Variants in ANO2 observed in about 807,000 individuals in gnomAD.
ANO2 encodes the protein anoctamin-2.
In ANO2, 101 loss-of-function variants were observed where a neutral mutation model predicts 124.2. The observed-to-expected ratio is 0.81, with a 90% CI of 0.69 to 0.96. The LOEUF (loss-of-function observed/expected upper bound fraction) is 0.96, where lower values mean the gene tolerates loss of function less well. ANO2 is among the 40% of genes least tolerant of loss of function. The pLI is 0.00. For missense variants in ANO2, 1,293 were observed against 1,274.5 expected, an observed-to-expected ratio of 1.01 and a Z score of -0.22; for synonymous variants, 486 against 482.5, an observed-to-expected ratio of 1.01 and a Z score of -0.09.
intron 10 of ANO2, among the ~76,000 whole-genome samples, chr12:5,772,004 C>T (rs1029675089): frequency 6.6e-6 from 1 of 152,130 alleles, no homozygotes; most frequent in Admixed American, 6.5e-5. Flanking sequence ...CCCAGCTAGC[C>T]CTGCAATCAT....
At chr12:5,672,551 G>A (rs1208934385) in intron 14 of ANO2, among the ~76,000 whole-genome samples, 1 of 152,146 alleles carries the variant, frequency 6.6e-6, no homozygotes, top group East Asian at 1.9e-4. Flanking sequence ...ACCCATGGAG[G>A]TCAGCTACCT....
intron 16 of ANO2, among the ~76,000 whole-genome samples, chr12:5,619,302 G>A (rs1379217390): frequency 2.6e-5 from 4 of 152,156 alleles, no homozygotes; most frequent in Non-Finnish European, 5.9e-5. Flanking sequence ...ACCGTATTTG[G>A]TAAAAATGTT....
chr12:5,586,829 G>C (rs1013089837), intron 20 of ANO2, among the ~76,000 whole-genome samples: 4 of 152,176 alleles, frequency 2.6e-5, no homozygotes, highest in African/African-American at 9.7e-5. Flanking sequence ...TATCATAGCA[G>C]TAGTTGTCTA....
chr12:5,632,973 C>A (rs953155617), intron 16 of ANO2, among the ~76,000 whole-genome samples: 1 of 152,128 alleles, frequency 6.6e-6, no homozygotes, highest in Admixed American at 6.5e-5. Context: ...AGACAGCTCC[C>A]GTCATGCCAC....
At chr12:5,888,846 A>G (rs1939169715) in intron 3 of ANO2, among the ~76,000 whole-genome samples, 2 of 152,234 alleles carry the variant, frequency 1.3e-5, no homozygotes, top group African/African-American at 4.8e-5. Context: ...AGTGGATCCC[A>G]CACTGGGGCC....
chr12:5,782,777 C>T (rs1291781043), intron 10 of ANO2, among the ~76,000 whole-genome samples: 1 of 152,198 alleles, frequency 6.6e-6, no homozygotes, highest in African/African-American at 2.4e-5. Flanking sequence ...ACTGGATTGG[C>T]TATAAGGCAA....
intron 4 of ANO2, among the ~76,000 whole-genome samples, chr12:5,852,813 T>C (rs1379757804): frequency 6.7e-6 from 1 of 150,098 alleles, no homozygotes; most frequent in East Asian, 2.0e-4. Flanking sequence ...ATCTTTGCCA[T>C]GGTAGCATGT....
intron 11 of ANO2, among the ~76,000 whole-genome samples, chr12:5,748,247 C>T (rs10849331): frequency 6.6e-6 from 1 of 152,202 alleles, no homozygotes; most frequent in South Asian, 2.1e-4. Flanking sequence ...GGCACAAGTT[C>T]TAAATCCTGA....
At chr12:5,684,976 A>C (rs1194671185) in intron 14 of ANO2, among the ~76,000 whole-genome samples, 2 of 152,180 alleles carry the variant, frequency 1.3e-5, no homozygotes, top group Non-Finnish European at 2.9e-5. Context: ...GTATGTCATT[A>C]ACCTACTGTA....
intron 16 of ANO2, among the ~76,000 whole-genome samples, chr12:5,633,313 C>A (rs937497602): frequency 6.6e-6 from 1 of 152,180 alleles, no homozygotes; most frequent in Non-Finnish European, 1.5e-5. Context: ...GCCCATCCGC[C>A]ACTGCCTGCC....
At position 5,773,939 on chromosome 12, in the gene ANO2, A is replaced by C. The variant is rs1489800339; in HGVS notation, c.1056-22969T>G. On this transcript the variant is annotated intron_variant, in intron 10 of 24. Transcript: ENST00000682330. ...GACCTTATCTCATTGAGTTGCTGTG[A>C]ATATTCACGAAGACAGCATATGAAA... 2.6e-5 allele frequency among the ~76,000 whole-genome samples: 4 copies of C among 152,206 alleles called. No homozygotes were observed. The East Asian group carries it at 7.7e-4, about 29-fold the overall frequency.
At position 5,627,963 on chromosome 12, in the gene ANO2, T is replaced by C. The variant is rs971740701; in HGVS notation, c.1816+7189A>G. On this transcript the variant is annotated intron_variant, in intron 16 of 24. Coordinates refer to ENST00000682330, the MANE Select transcript of ANO2 (RefSeq NM_001364791.2). ...TAAAAAAAAAAAATTAGCCAGATGC[T>C]GTGGCACACACCAGTAGTCCCAGCT... Among the ~76,000 whole-genome samples, 3 of 151,870 alleles carry C rather than the reference T, an allele frequency of 2.0e-5. No homozygotes were observed. In the East Asian group the frequency reaches 5.8e-4, roughly 30 times the overall value.
chr12:5,802,485 G>C (rs1174087889), intron 9 of ANO2, among the ~76,000 whole-genome samples: 1 of 152,204 alleles, frequency 6.6e-6, no homozygotes, highest in Non-Finnish European at 1.5e-5. Flanking sequence ...CAGGGAGGGA[G>C]GTGGAGAGTG....
chr12:5,864,594 G>A (rs980723962), intron 3 of ANO2, among the ~76,000 whole-genome samples: 1 of 152,204 alleles, frequency 6.6e-6, no homozygotes, highest in African/African-American at 2.4e-5. Context: ...GACACGGAGA[G>A]CACTTCAGTG....
At chr12:5,923,087 C>CACGCATACACACACAT (rs1438212881) in intron 1 of ANO2, among the ~76,000 whole-genome samples, 1 of 21,278 alleles carries the variant, frequency 4.7e-5, no homozygotes, top group African/African-American at 5.7e-5. Flanking sequence ...CACATACACA[C>CACGCATACACACACAT]ACACACGCAC....
At chr12:5,726,373 T>A (rs987480099) in intron 14 of ANO2, among the ~76,000 whole-genome samples, 1 of 152,206 alleles carries the variant, frequency 6.6e-6, no homozygotes, top group African/African-American at 2.4e-5. Flanking sequence ...CTCTCACCCA[T>A]CTTTCCAGTG....
chr12:5,837,293 C>CTTTTTTTTT (rs10623130), intron 4 of ANO2, among the ~76,000 whole-genome samples: 1 of 95,598 alleles, frequency 1.0e-5, no homozygotes, highest in African/African-American at 4.1e-5. Context: ...ATGCAGATTT[C>CTTTTTTTTT]TTTTTTTTTT....
intron 3 of ANO2, among the ~76,000 whole-genome samples, chr12:5,892,850 T>C (rs1939503348): frequency 6.6e-6 from 1 of 152,214 alleles, no homozygotes; most frequent in African/African-American, 2.4e-5. Context: ...CAGAAAAATG[T>C]TAACTGTCTG....
At chr12:5,796,400 G>GCACA (rs538831811) in intron 10 of ANO2, among the ~76,000 whole-genome samples, 5,821 of 147,584 alleles carry the variant, frequency 0.039, 350 homozygotes, top group African/African-American at 0.13. Context: ...ATATTCTCTG[G>GCACA]CACACACACA....
Sources: allele counts gnomAD v4.1 joint callset (sites outside exome capture counted in the v4.1 genomes callset), GRCh38; gene constraint gnomAD v4.1.1; transcripts MANE v1.5; gene names NCBI Gene and HGNC (gene_info 2026-07-23, HGNC 2026-07-21).